The following CTNNAL1 variants were observed in gnomAD, a reference collection of about 807,000 sequenced individuals.
CTNNAL1 encodes catenin alpha like 1, also known as alpha-catulin.
Under a neutral mutation model 93.6 loss-of-function variants are expected in CTNNAL1, and 69 were observed. That is an observed-to-expected ratio of 0.74 (90% confidence interval 0.61 to 0.90). The LOEUF (loss-of-function observed/expected upper bound fraction) is 0.90, where lower values mean the gene tolerates loss of function less well. CTNNAL1 is among the 40% of genes least tolerant of loss of function. The probability of loss-of-function intolerance (pLI) is 0.00; values close to 1 mark genes in which losing one functional copy is unlikely to be tolerated. For missense variants in CTNNAL1, 836 were observed against 862.0 expected (o/e 0.97, Z 0.38); for synonymous variants, 286 against 305.4 (o/e 0.94, Z 0.66).
chr9:108,983,255 G>T lies in CTNNAL1; in HGVS notation c.790C>A (p.Arg264Ser). Residue 264 changes from arginine to serine, a missense_variant, in exon 6 of 19, where the codon CGT becomes AGT. By Grantham distance (110) the Arg-to-Ser change is moderately radical (BLOSUM62 -1). Transcript: ENST00000325551. ...ACCTTATCCAATGCCACTTTCATAC[G>T]GTCAAATACTCCTTCTTTGTTTTTA... is the stretch of plus-strand genomic sequence containing the variant. ...AHKNKEGVFD[R>S]MKVALDKVIE... 1.3e-6 allele frequency: 2 copies of T among 1,593,706 alleles called. No homozygotes were observed. The highest frequency in any genetic ancestry group is 1.7e-5 in the Admixed American group (1 of 57,822).
intron 15 of CTNNAL1, among the ~76,000 whole-genome samples, chr9:108,946,388 T>C (rs1324478735): frequency 1.3e-5 from 2 of 151,814 alleles, no homozygotes; most frequent in Non-Finnish European, 2.9e-5. Flanking sequence ...CCATCAATAA[T>C]TGCCTCCTTA....
At chr9:108,984,526 G>T (rs551611775) in intron 4 of CTNNAL1, 90 bp from the exon 5 acceptor site, 162 of 449,544 alleles carry the variant, frequency 3.6e-4, no homozygotes, top group African/African-American at 1.4e-3. Context: ...TAATACTCAA[G>T]AATTCACTAA....
chr9:108,986,472 G>A (rs1362044144), intron 4 of CTNNAL1, among the ~76,000 whole-genome samples: 5 of 151,416 alleles, frequency 3.3e-5, no homozygotes, highest in Non-Finnish European at 1.5e-5. Context: ...ATTGTGAATA[G>A]TGCCACAATA....
intron 6 of CTNNAL1, among the ~76,000 whole-genome samples, chr9:108,980,595 C>T (rs546932802): frequency 5.3e-5 from 8 of 152,238 alleles, no homozygotes; most frequent in African/African-American, 1.9e-4. Context: ...GCTCTTGGCC[C>T]AAGTTGTGTC....
At position 108,970,058 on chromosome 9, in the gene CTNNAL1, A is replaced by C. The variant is rs181662961; in HGVS notation, c.1440+344T>G. On this transcript the variant is annotated intron_variant, in intron 10 of 18. Transcript: ENST00000325551. ...AATTATTAGCATGAAATGTATTTGAATCTTAGGTTGAAATGTGAATATTAC... is the reference window on the plus strand; with the variant it reads ...AATTATTAGCATGAAATGTATTTGACTCTTAGGTTGAAATGTGAATATTAC... Among the ~76,000 whole-genome samples, 227 of 152,270 alleles carry C rather than the reference A, an allele frequency of 1.5e-3. 3 individuals carry two copies. Among genetic ancestry groups the C allele is most frequent in the Non-Finnish European group, 2.5e-3 (167 of 68,030 alleles).
chr9:108,975,403 A>T (rs1339064273), intron 8 of CTNNAL1, among the ~76,000 whole-genome samples: 2 of 152,080 alleles, frequency 1.3e-5, no homozygotes, highest in Non-Finnish European at 2.9e-5. Flanking sequence ...GTGAGAGTCC[A>T]CTGTAAATGT....
chr9:108,966,926 T>C (rs1338258451), intron 10 of CTNNAL1, among the ~76,000 whole-genome samples: 1 of 152,174 alleles, frequency 6.6e-6, no homozygotes, highest in Non-Finnish European at 1.5e-5. Flanking sequence ...CCCAACCTAC[T>C]GAAATTTCCT....
At chr9:108,957,160 C>G (rs972591580) in intron 11 of CTNNAL1, among the ~76,000 whole-genome samples, 8 of 148,192 alleles carry the variant, frequency 5.4e-5, no homozygotes, top group African/African-American at 1.5e-4. Context: ...GCTCTGTCAC[C>G]CAGGCTGGAG....
At chr9:109,013,168 G>A in intron 1 of CTNNAL1, 134 bp downstream of exon 1, 1 of 1,149,840 alleles carries the variant, frequency 8.7e-7, no homozygotes, top group East Asian at 3.2e-5. Context: ...CACACAGGCG[G>A]TCCGACAAGA....
intron 2 of CTNNAL1, among the ~76,000 whole-genome samples, chr9:108,996,293 A>T (rs1481964261): frequency 3.9e-5 from 6 of 152,142 alleles, no homozygotes; most frequent in Non-Finnish European, 8.8e-5. Context: ...ACTTTATATT[A>T]GTTCCCTCAA....
chr9:108,974,653 T>C (rs1027399285), intron 8 of CTNNAL1, among the ~76,000 whole-genome samples: 3 of 151,986 alleles, frequency 2.0e-5, no homozygotes, highest in Non-Finnish European at 4.4e-5. Context: ...GAGCTTATAA[T>C]AGTGAGACCC....
chr9:108,979,353 T>C lies in CTNNAL1; in HGVS notation c.1029A>G (p.Arg343=). Residue 343 remains arginine (R), a synonymous_variant, in exon 7 of 19, where the codon AGA becomes AGG. Coordinates refer to ENST00000325551, the MANE Select transcript of CTNNAL1 (RefSeq NM_003798.4). ...TDSAYTSHEH[R]ERILELSTQA... is the part of the protein sequence containing the mutation. ...GAGTTGACAGTTCCAAGATGCGTTC[T>C]CTGTGCTCATGGCTGGTGTAGGCAG... 7.4e-6 allele frequency: 12 copies of C among 1,614,178 alleles called. No individual in the cohort carries two copies. The highest frequency in any genetic ancestry group is 4.5e-5 in the East Asian group (2 of 44,880).
chr9:108,971,690 C>T (rs1831121493), intron 9 of CTNNAL1, among the ~76,000 whole-genome samples: 1 of 152,180 alleles, frequency 6.6e-6, no homozygotes, highest in African/African-American at 2.4e-5. Flanking sequence ...GTTCATTAAA[C>T]CTCTTTTTCT....
intron 9 of CTNNAL1, among the ~76,000 whole-genome samples, chr9:108,970,842 G>C (rs1272495757): frequency 3.9e-5 from 6 of 151,958 alleles, no homozygotes; most frequent in Non-Finnish European, 7.4e-5. Context: ...ATTTGGCTCA[G>C]AGAAGTAACT....
At position 108,979,477 on chromosome 9, in the gene CTNNAL1, T is replaced by C; in HGVS notation, c.905A>G (p.Asn302Ser). The C allele has an allele frequency of 1.2e-6, 2 of 1,613,844 alleles. No homozygotes were observed. The highest frequency in any genetic ancestry group is 1.7e-6 in the Non-Finnish European group (2 of 1,179,848). The change falls in exon 7 of 19, where the codon AAT (asparagine) becomes AGT (serine). Residue 302 changes from asparagine to serine, a missense_variant. Transcript: ENST00000325551. ...AAGATTCTCCCGAAGAGCTTCAATA[T>C]TCATCTGAGAACAAAAAGGACATCT... is the stretch of plus-strand genomic sequence containing the variant. ...IFTGIKEFKMNIEALRENLYF... is the reference protein window; with the variant it reads ...IFTGIKEFKMSIEALRENLYF...
At chr9:108,997,834 G>A (rs1396166158) in intron 2 of CTNNAL1, among the ~76,000 whole-genome samples, 1 of 152,168 alleles carries the variant, frequency 6.6e-6, no homozygotes, top group Non-Finnish European at 1.5e-5. Context: ...TCTAGTCTAA[G>A]TCACCATCAT....
chr9:108,952,970 T>C (rs905640411), intron 12 of CTNNAL1, among the ~76,000 whole-genome samples: 2 of 152,254 alleles, frequency 1.3e-5, no homozygotes, highest in Non-Finnish European at 2.9e-5. Context: ...TCAATTCCTT[T>C]AACTAATTTG....
chr9:109,001,293 T>C (rs970842097), intron 1 of CTNNAL1, among the ~76,000 whole-genome samples: 3 of 152,096 alleles, frequency 2.0e-5, no homozygotes, highest in Admixed American at 1.3e-4. Context: ...ATTGAAGGGT[T>C]TTTTAAACAG....
intron 2 of CTNNAL1, among the ~76,000 whole-genome samples, chr9:108,997,343 C>G (rs768020926): frequency 3.3e-5 from 5 of 152,196 alleles, no homozygotes; most frequent in Non-Finnish European, 7.3e-5. Flanking sequence ...TATTAATCTC[C>G]CTGCCTTCAG....
Sources: allele counts gnomAD v4.1 joint callset (sites outside exome capture counted in the v4.1 genomes callset), GRCh38; gene constraint gnomAD v4.1.1; transcripts MANE v1.5; gene names NCBI Gene and HGNC (gene_info 2026-07-23, HGNC 2026-07-21).